CORIN: variants seen among roughly 807,000 people sequenced by gnomAD.
The protein encoded by CORIN is corin, serine peptidase.
CORIN carries 117 observed loss-of-function variants against 125.3 expected under a neutral mutation model. The ratio of observed to expected loss-of-function variants is 0.93; its 90% CI spans 0.80 to 1.09. The LOEUF (loss-of-function observed/expected upper bound fraction) is 1.09, where lower values mean the gene tolerates loss of function less well. Ranked by LOEUF, CORIN falls within the 50% of genes least tolerant of loss-of-function variation. The pLI is 0.00. For missense variants in CORIN, 1,253 were observed against 1,306.7 expected, an observed-to-expected ratio of 0.96 and a Z score of 0.63; for synonymous variants, 450 against 466.4, an observed-to-expected ratio of 0.96 and a Z score of 0.45.
chr4:47,611,519 T>C (rs1721870457), intron 19 of CORIN, among the ~76,000 whole-genome samples: 1 of 152,200 alleles, frequency 6.6e-6, no homozygotes, highest in South Asian at 2.1e-4. Flanking sequence ...TTTCTAGATA[T>C]AGGATCATGT....
At chr4:47,771,314 T>C (rs1477839038) in intron 3 of CORIN, among the ~76,000 whole-genome samples, 3 of 152,152 alleles carry the variant, frequency 2.0e-5, no homozygotes, top group African/African-American at 7.2e-5. Context: ...TTTGCCAGAA[T>C]GATTTCTGGG....
At chr4:47,689,451 C>T (rs139315151) in intron 6 of CORIN, among the ~76,000 whole-genome samples, 46 of 152,130 alleles carry the variant, frequency 3.0e-4, no homozygotes, top group Non-Finnish European at 7.4e-5. Flanking sequence ...ATTACTACAC[C>T]GTATTACACT....
chr4:47,688,148 C>A (rs1450249312), intron 6 of CORIN, among the ~76,000 whole-genome samples: 2 of 152,170 alleles, frequency 1.3e-5, no homozygotes, highest in East Asian at 1.9e-4. Context: ...CAAGGCCTAG[C>A]TTTAATCCCA....
Position 47,661,666 on chromosome 4 carries a change from T to C in CORIN, c.1735+45A>G, listed in dbSNP as rs1246463057. On this transcript the variant is annotated intron_variant, in intron 12 of 21. Coordinates refer to ENST00000273857, the MANE Select transcript of CORIN (RefSeq NM_006587.4). ...AGAAATTCAAAAGGTAGCTAACATG[T>C]TCATCCATGTTAGATACCCTGCTGT... The C allele has an allele frequency of 6.7e-6, 10 of 1,489,708 alleles. No homozygotes were observed. The South Asian group carries it at 1.3e-4, about 19-fold the overall frequency. The allele number at this position is 1,489,708 out of a possible 1,614,324, so 92.3% of individuals were successfully genotyped here.
At chr4:47,663,925 T>C (rs1724359507) in intron 11 of CORIN, among the ~76,000 whole-genome samples, 2 of 152,316 alleles carry the variant, frequency 1.3e-5, no homozygotes, top group African/African-American at 4.8e-5. Context: ...CCCAAGTCAT[T>C]TTGAAATTTT....
At chr4:47,811,084 C>T (rs1439748546) in intron 1 of CORIN, among the ~76,000 whole-genome samples, 1 of 152,264 alleles carries the variant, frequency 6.6e-6, no homozygotes, top group African/African-American at 2.4e-5. Flanking sequence ...TAAAAATAAA[C>T]ATATCTCTCC....
intron 19 of CORIN, among the ~76,000 whole-genome samples, chr4:47,617,648 T>G (rs1192527946): frequency 2.0e-5 from 3 of 152,144 alleles, no homozygotes; most frequent in Admixed American, 6.5e-5. Context: ...AATGGAAAAT[T>G]TTTCTTTTAG....
chr4:47,759,294 C>A (rs1375573878), intron 4 of CORIN, among the ~76,000 whole-genome samples: 2 of 152,080 alleles, frequency 1.3e-5, no homozygotes, highest in African/African-American at 4.8e-5. Context: ...ATAGGGGGAA[C>A]CTATAGCCTG....
chr4:47,648,813 C>A (rs1428185910), intron 13 of CORIN, among the ~76,000 whole-genome samples: 1 of 152,148 alleles, frequency 6.6e-6, no homozygotes, highest in Non-Finnish European at 1.5e-5. Flanking sequence ...CTGGAACAGT[C>A]TGGATCCAGC....
rs370945768 is a variant in CORIN at position 47,653,600 on chromosome 4, C to T, written c.1796G>A (p.Cys599Tyr). ...SGQCVLASRRCDGQADCDDDS... is the reference protein window; with the variant it reads ...SGQCVLASRRYDGQADCDDDS... ...ATCGTCACAGTCGGCCTGGCCATCA[C>T]ATCTTCTGGAAGCCAGAACACACTG... The change falls in exon 13 of 22, where the codon TGT (cysteine) becomes TAT (tyrosine). Residue 599 changes from cysteine (C) to tyrosine (Y), a missense_variant. By Grantham distance (194) the Cys-to-Tyr change is radical (BLOSUM62 -2). Coordinates refer to ENST00000273857, the MANE Select transcript of CORIN (RefSeq NM_006587.4). The T allele has an allele frequency of 6.2e-6, 10 of 1,614,024 alleles. No homozygotes were observed. Among genetic ancestry groups the T allele is most frequent in the Admixed American group, 3.3e-5 (2 of 60,014 alleles).
intron 4 of CORIN, among the ~76,000 whole-genome samples, chr4:47,750,179 C>A (rs1728836931): frequency 6.6e-6 from 1 of 152,188 alleles, no homozygotes; most frequent in African/African-American, 2.4e-5. Flanking sequence ...TCTTCTGCGA[C>A]CTCAAGAGAC....
At position 47,626,403 on chromosome 4, in the gene CORIN, AC is replaced by A. The variant is rs781081512; in HGVS notation, c.2315+1del. The A allele has an allele frequency of 2.0e-6, 3 of 1,534,476 alleles. No homozygotes were observed. The highest frequency in any genetic ancestry group is 2.2e-5 in the South Asian group (2 of 89,380). On this transcript the variant is annotated splice_donor_variant, in intron 17 of 21. Transcript: ENST00000273857. LOFTEE classifies it high-confidence loss of function. The stretch of plus-strand genomic sequence containing the variant: ...ACACAGCTCTTATGAATGCATTCTT[AC>A]CCATTTACTAGAAGTTCATGTAAAG...
intron 19 of CORIN, among the ~76,000 whole-genome samples, chr4:47,609,359 C>T: frequency 6.6e-6 from 1 of 151,920 alleles, no homozygotes. Flanking sequence ...CCTGCCTCAG[C>T]CTCCTAAGTA....
At chr4:47,805,473 T>C (rs73137913) in intron 2 of CORIN, among the ~76,000 whole-genome samples, 87 of 152,268 alleles carry the variant, frequency 5.7e-4, no homozygotes, top group African/African-American at 2.0e-3. Flanking sequence ...CAATGCCTTA[T>C]TTCAAACACT....
intron 5 of CORIN, among the ~76,000 whole-genome samples, chr4:47,699,760 C>G (rs1726203612): frequency 6.6e-6 from 1 of 152,128 alleles, no homozygotes; most frequent in Non-Finnish European, 1.5e-5. Context: ...GAATAAAAAT[C>G]CCTTTGTGTT....
At chr4:47,784,655 A>T (rs1385347169) in intron 3 of CORIN, among the ~76,000 whole-genome samples, 3 of 152,248 alleles carry the variant, frequency 2.0e-5, no homozygotes, top group African/African-American at 7.2e-5. Flanking sequence ...AACCACATTA[A>T]CTTGACTGAG....
Position 47,641,971 on chromosome 4 carries a change from T to C in CORIN, c.2147A>G (p.Asp716Gly), listed in dbSNP as rs769093722. Residue 716 changes from aspartate (D) to glycine (G), a missense_variant, in exon 16 of 22, where the codon GAT (aspartate) becomes GGT (glycine). Asp to Gly is a moderately conservative substitution (Grantham distance 94). Transcript: ENST00000273857. ...CTGACTCAATATCTCCTGCCAGCCATCTGCACACACATGGTGTTCTGTGGC... is the reference window on the plus strand; with the variant it reads ...CTGACTCAATATCTCCTGCCAGCCACCTGCACACACATGGTGTTCTGTGGC... ...RAATEHHVCA[D>G]GWQEILSQLA... 1.2e-6 allele frequency: 2 copies of C among 1,613,662 alleles called. No individual in the cohort carries two copies. The highest frequency in any genetic ancestry group is 1.7e-6 in the Non-Finnish European group (2 of 1,179,694).
chr4:47,648,176 G>A (rs1160501964), intron 13 of CORIN, among the ~76,000 whole-genome samples: 2 of 152,134 alleles, frequency 1.3e-5, no homozygotes, highest in Non-Finnish European at 2.9e-5. Context: ...ATTCTAAAAG[G>A]AAAAGGATAT....
intron 21 of CORIN, among the ~76,000 whole-genome samples, chr4:47,597,146 G>A (rs1721285720): frequency 6.6e-6 from 1 of 152,146 alleles, no homozygotes; most frequent in Non-Finnish European, 1.5e-5. Context: ...GAGGTCAGGA[G>A]TTCCAGACCA....
Sources: allele counts gnomAD v4.1 joint callset (sites outside exome capture counted in the v4.1 genomes callset), GRCh38; gene constraint gnomAD v4.1.1; transcripts MANE v1.5; gene names NCBI Gene and HGNC (gene_info 2026-07-23, HGNC 2026-07-21).